The following NCF4 variants were observed in gnomAD, a reference collection of about 807,000 sequenced individuals.
NCF4 encodes neutrophil cytosol factor 4.
A neutral mutation model predicts 41.7 loss-of-function variants in NCF4; 30 were observed. That is an observed-to-expected ratio of 0.72 (90% CI 0.54 to 0.97). The LOEUF is 0.97. NCF4 is among the 50% of genes least tolerant of loss of function. The pLI is 0.00. For missense variants in NCF4, 432 were observed against 460.9 expected (o/e 0.94, Z 0.57); for synonymous variants, 195 against 175.8 (o/e 1.11, Z -0.87).
At chr22:36,870,689 T>A in intron 5 of NCF4, 147 bp downstream of exon 5, 5 of 1,187,890 alleles carry the variant, frequency 4.2e-6, no homozygotes, top group Non-Finnish European at 5.9e-6. Flanking sequence ...TTAGATGGGT[T>A]TAGAAAGTCA....
Position 36,861,013 on chromosome 22 carries a change from A to G in NCF4, c.-159A>G. 2 of 925,550 alleles carry G rather than the reference A, an allele frequency of 2.2e-6. No individual in the cohort carries two copies. Among genetic ancestry groups the G allele is most frequent in the Non-Finnish European group, 3.4e-6 (2 of 579,860 alleles). 57.3% of individuals were successfully genotyped at this position (925,550 alleles called of 1,614,324 possible). A position where few individuals can be genotyped will look rare whatever the true frequency, so the allele number is the denominator to read the frequency against. ...GGAGGAGGAGCCTCTGCCAGACTGG[A>G]GAGAAGCAGGCCTGAGCCTCCCCAA... On this transcript the variant is annotated 5_prime_UTR_variant, in exon 1 of 10. Coordinates refer to ENST00000248899, the MANE Select transcript of NCF4 (RefSeq NM_000631.5).
At chr22:36,868,789 T>C (rs929903656) in intron 4 of NCF4, among the ~76,000 whole-genome samples, 14 of 152,142 alleles carry the variant, frequency 9.2e-5, no homozygotes, top group Admixed American at 3.3e-4. Context: ...TTGTGTCCAA[T>C]TGGGTTCCTG....
rs947119820 is a variant in NCF4 at position 36,865,576 on chromosome 22, C to CG, written c.271+505dup. Among the ~76,000 whole-genome samples the CG allele has an allele frequency of 6.6e-6, 1 of 152,090 alleles. No homozygotes were observed. Among genetic ancestry groups the CG allele is most frequent in the African/African-American group, 2.4e-5 (1 of 41,420 alleles). On this transcript the variant is annotated intron_variant, in intron 3 of 9. Transcript: ENST00000248899. This position sits in a 1 kb window ranked among gnomAD's most constrained non-coding sequence, Gnocchi z 4.3. ...AGCCTCTGCTTGCAAACAGTCTCCC[C>CG]GCCCCCTGGCCTCCTGGTCCTTCCT...
In NCF4 at chr22:36,877,725, C is replaced by T. The variant is rs546311292; in HGVS notation, c.922C>T (p.Arg308Trp). 18 of 1,613,968 alleles carry T rather than the reference C, an allele frequency of 1.1e-5. No individual in the cohort carries two copies. The highest frequency in any genetic ancestry group is 3.3e-5 in the South Asian group (3 of 91,082). The change falls in exon 10 of 10, where the codon CGG (arginine) becomes TGG (tryptophan). Residue 308 changes from arginine (R) to tryptophan (W), a missense_variant. Physicochemically the swap from Arg to Trp is moderately radical, Grantham distance 101 (BLOSUM62 -3). Coordinates refer to ENST00000248899, the MANE Select transcript of NCF4 (RefSeq NM_000631.5). ...LSDEDVALMV[R>W]QARGLPSQKR... is the part of the protein sequence containing the mutation. ...GGATGAGGACGTAGCGCTCATGGTGCGGCAGGCTCGTGGCCTCCCCTCCCA... is the reference window on the plus strand; with the variant it reads ...GGATGAGGACGTAGCGCTCATGGTGTGGCAGGCTCGTGGCCTCCCCTCCCA...
At chr22:36,874,279 T>G (rs1940145143) in intron 7 of NCF4, among the ~76,000 whole-genome samples, 1 of 152,224 alleles carries the variant, frequency 6.6e-6, no homozygotes, top group Admixed American at 6.5e-5. Flanking sequence ...GGGACCAGCC[T>G]TTTGTATTAG....
In NCF4 at chr22:36,865,763, T is replaced by TC. The variant is rs1485989510; in HGVS notation, c.271+695dup. ...TAGAGACAGGGACAATTGTCTCCCTTCCCCAAGCCTCAGGGACCCTTCCCC... is the reference window on the plus strand; with the variant it reads ...TAGAGACAGGGACAATTGTCTCCCTTCCCCCAAGCCTCAGGGACCCTTCCCC... On this transcript the variant is annotated intron_variant, in intron 3 of 9. Transcript: ENST00000248899. The surrounding 1 kb of genome is among the most constrained non-coding windows in gnomAD (Gnocchi z 4.3). 1.3e-5 allele frequency among the ~76,000 whole-genome samples: 2 copies of TC among 152,100 alleles called. No homozygotes were observed. The highest frequency in any genetic ancestry group is 2.9e-5 in the Non-Finnish European group (2 of 68,008).
intron 7 of NCF4, among the ~76,000 whole-genome samples, chr22:36,875,321 C>T (rs770892642): frequency 3.3e-5 from 5 of 152,184 alleles, no homozygotes; most frequent in African/African-American, 9.7e-5. Flanking sequence ...TGAGCTACTG[C>T]GCCCGGCCCA....
chr22:36,864,753 TG>T (rs1192440721), intron 2 of NCF4, among the ~76,000 whole-genome samples, 165 bp from the exon 3 acceptor site: 2 of 151,988 alleles, frequency 1.3e-5, no homozygotes, highest in African/African-American at 4.8e-5. Context: ...CGTCTGCTTC[TG>T]GGGCGCCAGC....
chr22:36,862,569 C>T (rs537084152), intron 1 of NCF4, among the ~76,000 whole-genome samples: 103 of 152,288 alleles, frequency 6.8e-4, no homozygotes, highest in Non-Finnish European at 1.4e-3. Flanking sequence ...CACTCCCTCC[C>T]CCACTCCCTG....
Position 36,865,210 on chromosome 22 carries a change from TACAGGC to T in NCF4, c.271+139_271+144del. On this transcript the variant is annotated intron_variant, in intron 3 of 9. Transcript: ENST00000248899. This position sits in a 1 kb window ranked among gnomAD's most constrained non-coding sequence, Gnocchi z 4.3. ...GTTTATAGCCCCCACTCCCGGCAGT[TACAGGC>T]TGCCAAGCCCTCCCTGCATGGCTCC... 1 of 1,314,462 alleles carries T rather than the reference TACAGGC, an allele frequency of 7.6e-7. No individual in the cohort carries two copies. The highest frequency in any genetic ancestry group is 2.5e-5 in the East Asian group (1 of 39,924). 81.4% of individuals were successfully genotyped at this position (1,314,462 alleles called of 1,614,324 possible).
Position 36,861,155 on chromosome 22 carries a change from T to C in NCF4, c.-17T>C, listed in dbSNP as rs1402002359. 1 of 1,551,434 alleles carries C rather than the reference T, an allele frequency of 6.4e-7. No individual in the cohort carries two copies. Among genetic ancestry groups the C allele is most frequent in the Non-Finnish European group, 8.7e-7 (1 of 1,146,816 alleles). The stretch of plus-strand genomic sequence containing the variant: ...TGGGCGAGACTCTCCACCTGCTCCC[T>C]GGGACCATCGCCCACCATGGCTGTG... On this transcript the variant is annotated 5_prime_UTR_variant, in exon 1 of 10. Transcript: ENST00000248899.
intron 7 of NCF4, among the ~76,000 whole-genome samples, chr22:36,872,943 TG>T (rs1364864674): frequency 4.6e-4 from 58 of 125,508 alleles, no homozygotes; most frequent in African/African-American, 2.4e-3. Context: ...AGGATGGAGG[TG>T]AGATTGGAGG....
rs1940056874 is a variant in NCF4, at chr22:36,871,634, C to T, written c.471-18C>T. Reference sequence around the variant, plus strand: ...GAGAGAATCACAGGGCTAACAAGCCCCTCTTCTCTCTCCACAGCAAGAGCG... The same window carrying T: ...GAGAGAATCACAGGGCTAACAAGCCTCTCTTCTCTCTCCACAGCAAGAGCG... On this transcript the variant is annotated intron_variant, in intron 5 of 9. Coordinates refer to ENST00000248899, the MANE Select transcript of NCF4 (RefSeq NM_000631.5). The T allele has an allele frequency of 6.4e-7, 1 of 1,558,772 alleles. No individual in the cohort carries two copies. Among genetic ancestry groups the T allele is most frequent in the Non-Finnish European group, 8.7e-7 (1 of 1,150,536 alleles).
intron 4 of NCF4, 98 bp downstream of exon 4, chr22:36,867,560 C>T: frequency 8.0e-7 from 1 of 1,255,726 alleles, no homozygotes; most frequent in Non-Finnish European, 1.1e-6. Context: ...GGAACTGGGG[C>T]TGGCTCTCTG....
chr22:36,861,313 G>A, intron 1 of NCF4, 110 bp downstream of exon 1: 1 of 1,377,174 alleles, frequency 7.3e-7, no homozygotes. Context: ...GGCTGGGGTT[G>A]AGTCAGAACC....
rs1443462231 is a variant in NCF4 at position 36,873,970 on chromosome 22, CT to C, written c.627+1546del. On this transcript the variant is annotated intron_variant, in intron 7 of 9. Transcript: ENST00000248899. ...AGCCTGTTTGGGCCATTTCCTAGCT[CT>C]GTTTTTCACTAGCTTTGTGGACCTT... Among the ~76,000 whole-genome samples, 17 of 152,308 alleles carry C rather than the reference CT, an allele frequency of 1.1e-4. No individual in the cohort carries two copies. In the East Asian group the frequency reaches 3.1e-3, roughly 28 times the overall value.
intron 7 of NCF4, among the ~76,000 whole-genome samples, chr22:36,873,593 T>C (rs148069692): frequency 6.6e-6 from 1 of 152,228 alleles, no homozygotes; most frequent in East Asian, 1.9e-4. Context: ...AGCAGAACAT[T>C]CTTGGAGCTC....
chr22:36,866,257 C>T (rs550418968), intron 3 of NCF4, among the ~76,000 whole-genome samples: 4 of 152,198 alleles, frequency 2.6e-5, no homozygotes, highest in Non-Finnish European at 4.4e-5. Flanking sequence ...CTGACTACTC[C>T]ACTGAAATTC....
At position 36,870,386 on chromosome 22, in the gene NCF4, C is replaced by T. The variant is rs759013868; in HGVS notation, c.343-29C>T. ...TGTCCAGATCTTTCTGCTGACTACC[C>T]CACCGGTTCTGCTGTCTCACCCACA... On this transcript the variant is annotated intron_variant, in intron 4 of 9. Transcript: ENST00000248899. The T allele has an allele frequency of 3.1e-6, 5 of 1,613,350 alleles. No homozygotes were observed. The East Asian group carries it at 8.9e-5, about 29-fold the overall frequency.
Sources: gnomAD v4.1 joint callset for allele counts (sites outside exome capture counted in the v4.1 genomes callset) on GRCh38, gnomAD v4.1.1 for gene constraint, Gnocchi (gnomAD v3.1) non-coding constraint, MANE v1.5 for transcripts, NCBI Gene and HGNC (gene_info 2026-07-23, HGNC 2026-07-21) for gene names.